Variants in SLC39A11 observed in about 807,000 individuals in gnomAD.
SLC39A11 encodes solute carrier family 39 member 11, also known as zinc transporter ZIP11.
A neutral mutation model predicts 36.1 loss-of-function variants in SLC39A11; 33 were observed. The observed-to-expected ratio is 0.91, with a 90% CI of 0.69 to 1.22. The LOEUF (loss-of-function observed/expected upper bound fraction) is 1.22, where lower values mean the gene tolerates loss of function less well. Among genes scored for constraint, SLC39A11 ranks in the 50% most tolerant of loss-of-function variants. SLC39A11 has a pLI of 0.00. For synonymous variants in SLC39A11, 166 were observed against 170.3 expected (o/e 0.97, Z 0.20); for missense variants, 432 against 430.3 (o/e 1.00, Z -0.03).
At chr17:73,048,847 C>T (rs2059404140) in intron 3 of SLC39A11, among the ~76,000 whole-genome samples, 1 of 152,162 alleles carries the variant, frequency 6.6e-6, no homozygotes, top group South Asian at 2.1e-4. Context: ...AATCAAACCC[C>T]TATGATCTAA....
chr17:72,661,363 C>T (rs1436200870), intron 7 of SLC39A11, among the ~76,000 whole-genome samples: 1 of 152,136 alleles, frequency 6.6e-6, no homozygotes, highest in Non-Finnish European at 1.5e-5. Flanking sequence ...TCATGGGTTT[C>T]TCTGAGAATT....
intron 6 of SLC39A11, among the ~76,000 whole-genome samples, chr17:72,737,038 G>T (rs982202767): frequency 2.0e-5 from 3 of 151,486 alleles, no homozygotes; most frequent in Non-Finnish European, 4.4e-5. Context: ...CACTCTGGGA[G>T]GCCAAGACAG....
intron 6 of SLC39A11, among the ~76,000 whole-genome samples, chr17:72,753,836 C>T (rs929295616): frequency 3.7e-5 from 5 of 136,576 alleles, no homozygotes; most frequent in Non-Finnish European, 6.0e-5. Flanking sequence ...AGAACTACCA[C>T]TGGATCCAGC....
chr17:73,046,453 A>G (rs571747567), intron 3 of SLC39A11, among the ~76,000 whole-genome samples: 1 of 152,290 alleles, frequency 6.6e-6, no homozygotes, highest in East Asian at 1.9e-4. Flanking sequence ...TGTCCTACGA[A>G]AAAGCCCCCT....
intron 4 of SLC39A11, among the ~76,000 whole-genome samples, chr17:72,994,503 G>T (rs2089382164): frequency 6.6e-6 from 1 of 152,124 alleles, no homozygotes; most frequent in Non-Finnish European, 1.5e-5. Flanking sequence ...GGGAGTTAGG[G>T]GGACTTTTGT....
At chr17:72,676,483 A>G (rs2071267514) in intron 7 of SLC39A11, among the ~76,000 whole-genome samples, 1 of 152,170 alleles carries the variant, frequency 6.6e-6, no homozygotes, top group South Asian at 2.1e-4. Flanking sequence ...GAGCTGGTAC[A>G]CACTAGATGC....
chr17:72,980,924 T>C (rs1460758228), intron 4 of SLC39A11, among the ~76,000 whole-genome samples: 2 of 151,460 alleles, frequency 1.3e-5, no homozygotes, highest in East Asian at 3.9e-4. Context: ...CTATGGAGGC[T>C]GAGGCAGAGA....
chr17:73,017,494 C>T (rs1196341313), intron 4 of SLC39A11, among the ~76,000 whole-genome samples: 1 of 152,116 alleles, frequency 6.6e-6, no homozygotes, highest in Non-Finnish European at 1.5e-5. Context: ...AGGTGGATCA[C>T]CTGAGGTTAG....
intron 6 of SLC39A11, among the ~76,000 whole-genome samples, chr17:72,783,004 CAAAAAAAA>C (rs34750819): frequency 3.7e-5 from 3 of 81,010 alleles, no homozygotes; most frequent in African/African-American, 1.3e-4. Context: ...TCTGTCTCAA[CAAAAAAAA>C]AAAAAAAAAA....
At chr17:72,739,002 G>T (rs150286094) in intron 6 of SLC39A11, among the ~76,000 whole-genome samples, 318 of 152,214 alleles carry the variant, frequency 2.1e-3, no homozygotes, top group African/African-American at 7.2e-3. Flanking sequence ...GGGGTCTGGA[G>T]CCCAAAGATC....
intron 5 of SLC39A11, among the ~76,000 whole-genome samples, chr17:72,945,479 G>T (rs1434534242): frequency 6.6e-6 from 1 of 152,192 alleles, no homozygotes; most frequent in East Asian, 1.9e-4. Flanking sequence ...TCTGCATGAA[G>T]CCAGTTATCA....
rs113309508 is a variant in SLC39A11 at position 72,747,269 on chromosome 17, A to G, written c.602-10550T>C. On this transcript the variant is annotated intron_variant, in intron 6 of 9. Coordinates refer to ENST00000255559, the MANE Select transcript of SLC39A11 (RefSeq NM_139177.4). The stretch of plus-strand genomic sequence containing the variant: ...GCAATCTCAGTTCACTGCAACTTCC[A>G]CCTACCAAGTAGCTGGGACTACAAG... 1.1e-3 allele frequency among the ~76,000 whole-genome samples: 173 copies of G among 152,172 alleles called. 2 individuals carry two copies. The highest frequency in any genetic ancestry group is 6.8e-3 in the Middle Eastern group (2 of 294).
intron 4 of SLC39A11, among the ~76,000 whole-genome samples, chr17:72,993,532 T>C (rs1026062949): frequency 2.6e-5 from 4 of 152,224 alleles, no homozygotes; most frequent in Non-Finnish European, 4.4e-5. Context: ...AAAGGGTATA[T>C]GGTAGATTAC....
intron 7 of SLC39A11, among the ~76,000 whole-genome samples, chr17:72,699,594 G>A (rs1025298694): frequency 6.6e-6 from 1 of 152,228 alleles, no homozygotes; most frequent in African/African-American, 2.4e-5. Context: ...CTCTAAGGCT[G>A]AAACATATTT....
intron 3 of SLC39A11, among the ~76,000 whole-genome samples, chr17:73,043,038 A>G (rs1302695193): frequency 3.9e-5 from 6 of 152,172 alleles, no homozygotes; most frequent in Non-Finnish European, 5.9e-5. Flanking sequence ...CTGGACTATA[A>G]TAAGAGAGGC....
chr17:72,662,339 G>A (rs1266514858), intron 7 of SLC39A11, among the ~76,000 whole-genome samples: 4 of 140,206 alleles, frequency 2.9e-5, no homozygotes, highest in African/African-American at 8.0e-5. Context: ...AAAGAGAGAG[G>A]GAGAGAGAGA....
chr17:72,724,044 G>T (rs1019340478), intron 7 of SLC39A11, among the ~76,000 whole-genome samples: 1 of 152,128 alleles, frequency 6.6e-6, no homozygotes, highest in African/African-American at 2.4e-5. Flanking sequence ...GCAACTATTG[G>T]GCGATCAGTG....
rs9894437 is a variant in SLC39A11 at position 72,871,998 on chromosome 17, A to G, written c.431-22194T>C. On this transcript the variant is annotated intron_variant, in intron 5 of 9. Coordinates refer to ENST00000255559, the MANE Select transcript of SLC39A11 (RefSeq NM_139177.4). ...AGGACACTCAGCTGGTGTCCTTACA[A>G]AACTGGAGAATTGCTTGGTGTAGGA... Among the ~76,000 whole-genome samples the G allele has an allele frequency of 8.3e-3, 1,269 of 152,284 alleles. 28 individuals carry two copies. Among genetic ancestry groups the G allele is most frequent in the African/African-American group, 0.029 (1,204 of 41,546 alleles).
rs1257310225 is a variant in SLC39A11 at position 72,900,169 on chromosome 17, G to GAA, written c.430+47581_430+47582dup. Among the ~76,000 whole-genome samples, 248 of 118,324 alleles carry GAA rather than the reference G, an allele frequency of 2.1e-3. 36 individuals carry two copies. Among genetic ancestry groups the GAA allele is most frequent in the African/African-American group, 7.7e-3 (233 of 30,234 alleles). 77.6% of individuals were successfully genotyped at this position (118,324 alleles called of 152,430 possible). ...GAAAGAAAGAAAAGAAAGAAAGAAAGAAAGAAAGAAAGAAAGAAAGAAAGA... is the reference window on the plus strand; with the variant it reads ...GAAAGAAAGAAAAGAAAGAAAGAAAGAAAAAGAAAGAAAGAAAGAAAGAAAGA... On this transcript the variant is annotated intron_variant, in intron 5 of 9. Transcript: ENST00000255559.
Sources: gnomAD v4.1 joint callset for allele counts (sites outside exome capture counted in the v4.1 genomes callset) on GRCh38, gnomAD v4.1.1 for gene constraint, MANE v1.5 for transcripts, NCBI Gene and HGNC (gene_info 2026-07-23, HGNC 2026-07-21) for gene names.